MEGF11: variants seen among roughly 807,000 people sequenced by gnomAD.
The protein encoded by MEGF11 is multiple epidermal growth factor-like domains protein 11.
In MEGF11, 126 loss-of-function variants were observed where a neutral mutation model predicts 146.6. The ratio of observed to expected loss-of-function variants is 0.86; its 90% CI spans 0.74 to 1.00. MEGF11 has a LOEUF of 1.00. Ranked by LOEUF, MEGF11 falls within the 50% of genes least tolerant of loss-of-function variation. MEGF11 has a pLI of 0.00. For synonymous variants in MEGF11, 532 were observed against 583.4 expected, an observed-to-expected ratio of 0.91 and a Z score of 1.27; for missense variants, 1,509 against 1,521.2, an observed-to-expected ratio of 0.99 and a Z score of 0.13.
intron 1 of MEGF11, among the ~76,000 whole-genome samples, chr15:66,176,964 C>T (rs2090403208): frequency 6.6e-6 from 1 of 152,198 alleles, no homozygotes; most frequent in African/African-American, 2.4e-5. Flanking sequence ...CATGCCTAGG[C>T]CAGCCCACTC....
At position 66,108,547 on chromosome 15, in the gene MEGF11, C is replaced by T. The variant is rs377296875; in HGVS notation, c.301+10539G>A. ...TCAGGGAGGAGGCCGCCATTGCAGACGGGGCGGTCAGGGAAGCCTCTCTGA... is the reference window on the plus strand; with the variant it reads ...TCAGGGAGGAGGCCGCCATTGCAGATGGGGCGGTCAGGGAAGCCTCTCTGA... On this transcript the variant is annotated intron_variant, in intron 4 of 25. Transcript: ENST00000395614. 1.8e-4 allele frequency among the ~76,000 whole-genome samples: 27 copies of T among 152,272 alleles called. No individual in the cohort carries two copies. In the South Asian group the frequency reaches 2.1e-3, roughly 12 times the overall value.
chr15:66,196,766 C>T (rs2140073927), intron 1 of MEGF11, among the ~76,000 whole-genome samples: 1 of 152,304 alleles, frequency 6.6e-6, no homozygotes, highest in South Asian at 2.1e-4. Flanking sequence ...AGTGGTTTCC[C>T]TTCTGAAAGG....
intron 19 of MEGF11, among the ~76,000 whole-genome samples, chr15:65,914,321 C>G (rs916538262): frequency 2.6e-5 from 4 of 152,170 alleles, no homozygotes; most frequent in Non-Finnish European, 4.4e-5. Context: ...ACCAATTTAT[C>G]AAAAGGTTAG....
intron 18 of MEGF11, 42 bp from the exon 19 acceptor site, chr15:65,915,640 T>TGTG: frequency 6.2e-7 from 1 of 1,600,798 alleles, no homozygotes; most frequent in Non-Finnish European, 8.5e-7. Flanking sequence ...CCACTCACTC[T>TGTG]CCACCCCTCC....
intron 4 of MEGF11, among the ~76,000 whole-genome samples, chr15:66,112,572 T>G (rs1006098496): frequency 6.6e-6 from 1 of 152,132 alleles, no homozygotes; most frequent in African/African-American, 2.4e-5. Flanking sequence ...TGAAGAGGTG[T>G]GGTTGGCAAT....
At chr15:66,225,843 T>C (rs1346714350) in intron 1 of MEGF11, among the ~76,000 whole-genome samples, 1 of 151,982 alleles carries the variant, frequency 6.6e-6, no homozygotes, top group Non-Finnish European at 1.5e-5. Context: ...ACGTAACAGC[T>C]TACATACATA....
At chr15:66,151,965 G>C (rs7163450) in intron 1 of MEGF11, among the ~76,000 whole-genome samples, 29,983 of 152,282 alleles carry the variant, frequency 0.2, 3,134 homozygotes, top group Non-Finnish European at 0.23. Flanking sequence ...CATGGGGCGG[G>C]GGGCAGGGTG....
chr15:66,036,525 T>C (rs1179226319), intron 5 of MEGF11, among the ~76,000 whole-genome samples: 1 of 152,248 alleles, frequency 6.6e-6, no homozygotes, highest in East Asian at 1.9e-4. Flanking sequence ...TGTTTTGCTA[T>C]CACACACAGT....
intron 1 of MEGF11, among the ~76,000 whole-genome samples, chr15:66,212,864 C>T (rs527831909): frequency 6.6e-6 from 1 of 152,354 alleles, no homozygotes; most frequent in South Asian, 2.1e-4. Context: ...TACCTTAAAC[C>T]ACGGAACACA....
At chr15:65,907,583 C>A (rs777197415) in intron 23 of MEGF11, among the ~76,000 whole-genome samples, 4 of 152,212 alleles carry the variant, frequency 2.6e-5, no homozygotes, top group Non-Finnish European at 5.9e-5. Flanking sequence ...ACGTGAGCCA[C>A]CGTACCCAGC....
chr15:66,040,908 A>G (rs950778604), intron 5 of MEGF11, among the ~76,000 whole-genome samples: 1 of 102,668 alleles, frequency 9.7e-6, no homozygotes, highest in Admixed American at 1.3e-4. Flanking sequence ...ACTCAGAGGA[A>G]GGGACTTTTT....
chr15:66,081,740 G>C lies in MEGF11; in HGVS notation c.394+12662C>G, dbSNP rs568750899. Among the ~76,000 whole-genome samples the C allele has an allele frequency of 1.1e-3, 167 of 152,310 alleles. 1 individual carries two copies. The highest frequency in any genetic ancestry group is 1.9e-3 in the Non-Finnish European group (126 of 68,024). On this transcript the variant is annotated intron_variant, in intron 5 of 25. Transcript: ENST00000395614. ...GAAAGGAAAGGACCAGGGTCCCCCA[G>C]GGAAGACCTGGAACAAAGCCAGCTT...
intron 4 of MEGF11, among the ~76,000 whole-genome samples, chr15:66,116,739 A>G (rs922368114): frequency 6.6e-6 from 1 of 152,150 alleles, no homozygotes. Context: ...GAGCAACTAA[A>G]AGCCAGGACT....
intron 5 of MEGF11, among the ~76,000 whole-genome samples, chr15:66,040,600 T>A (rs1194002740): frequency 6.6e-6 from 1 of 152,166 alleles, no homozygotes; most frequent in African/African-American, 2.4e-5. Flanking sequence ...GGAAGGTTCA[T>A]GCCAAGGGCT....
chr15:66,184,598 A>C (rs1397264455), intron 1 of MEGF11, among the ~76,000 whole-genome samples: 1 of 149,658 alleles, frequency 6.7e-6, no homozygotes, highest in Non-Finnish European at 1.5e-5. Context: ...CTACCTTAAA[A>C]TCCTTCAAGA....
At chr15:66,077,911 G>A (rs1020246337) in intron 5 of MEGF11, among the ~76,000 whole-genome samples, 5 of 152,164 alleles carry the variant, frequency 3.3e-5, no homozygotes, top group Non-Finnish European at 4.4e-5. Flanking sequence ...CCAGGCAGGT[G>A]CCACATCCAG....
intron 5 of MEGF11, among the ~76,000 whole-genome samples, chr15:66,016,692 T>C (rs982005158): frequency 3.9e-5 from 6 of 152,230 alleles, no homozygotes; most frequent in African/African-American, 1.4e-4. Context: ...AAAGGCCTTA[T>C]AAGAGTGTCT....
chr15:66,084,145 A>G (rs2086004692), intron 5 of MEGF11, among the ~76,000 whole-genome samples: 1 of 152,218 alleles, frequency 6.6e-6, no homozygotes, highest in African/African-American at 2.4e-5. Context: ...TACACCATCT[A>G]GGTTTGACTA....
intron 5 of MEGF11, among the ~76,000 whole-genome samples, chr15:66,072,775 T>C (rs1022770602): frequency 2.3e-4 from 35 of 152,206 alleles, no homozygotes; most frequent in African/African-American, 7.5e-4. Flanking sequence ...TAGGCCCTCA[T>C]GCAAGCTGTA....
Sources: gnomAD v4.1 joint callset for allele counts (sites outside exome capture counted in the v4.1 genomes callset) on GRCh38, gnomAD v4.1.1 for gene constraint, MANE v1.5 for transcripts, NCBI Gene and HGNC (gene_info 2026-07-23, HGNC 2026-07-21) for gene names.